Variants in ATP2A1 observed in about 807,000 individuals in gnomAD.
ATP2A1 encodes ATPase sarcoplasmic/endoplasmic reticulum Ca2+ transporting 1, also known as sarcoplasmic/endoplasmic reticulum calcium ATPase 1.
ATP2A1 carries 83 observed loss-of-function variants against 109.5 expected under a neutral mutation model. That is an observed-to-expected ratio of 0.76 (90% confidence interval 0.63 to 0.91). The LOEUF (loss-of-function observed/expected upper bound fraction) is 0.91. Ranked by LOEUF, ATP2A1 falls within the 40% of genes least tolerant of loss-of-function variation. The pLI is 0.00. For missense variants in ATP2A1, 1,101 were observed against 1,341.0 expected (o/e 0.82, Z 2.80); for synonymous variants, 505 against 537.6 (o/e 0.94, Z 0.84).
chr16:28,878,810 C>T (rs62037371), intron 1 of ATP2A1, 21 bp downstream of exon 1: 1 of 1,610,040 alleles, frequency 6.2e-7, no homozygotes, highest in Non-Finnish European at 8.5e-7. Flanking sequence ...CTTGGAAGAG[C>T]GGCTGGTAAT....
chr16:28,878,925 G>T, intron 1 of ATP2A1, 136 bp downstream of exon 1: 2 of 1,334,454 alleles, frequency 1.5e-6, no homozygotes, highest in Non-Finnish European at 2.2e-6. Context: ...CTCGCAGGGG[G>T]AAGAAGATAC....
chr16:28,884,563 C>T lies in ATP2A1; in HGVS notation c.464-12C>T. 1 of 1,611,554 alleles carries T rather than the reference C, an allele frequency of 6.2e-7. No homozygotes were observed. Among genetic ancestry groups the T allele is most frequent in the African/African-American group, 1.3e-5 (1 of 74,970 alleles). ...TCCCAAGTGACCTCCCTCTTCCCTA[C>T]TCTCTCCACAGTGGGGGACAAAGTC... On this transcript the variant is annotated splice_polypyrimidine_tract_variant and intron_variant, in intron 5 of 22. Coordinates refer to ENST00000395503, the MANE Select transcript of ATP2A1 (RefSeq NM_004320.6).
intron 3 of ATP2A1, 135 bp downstream of exon 3, chr16:28,879,718 C>A: frequency 9.2e-7 from 1 of 1,082,990 alleles, no homozygotes; most frequent in Non-Finnish European, 1.4e-6. Flanking sequence ...GGCTGGCGCG[C>A]AGCAGCGGGT....
intron 8 of ATP2A1, 64 bp from the exon 9 acceptor site, chr16:28,888,723 C>A: frequency 6.3e-7 from 1 of 1,575,736 alleles, no homozygotes. Context: ...CTATTTAGCC[C>A]CTTGCAGGTT....
chr16:28,883,294 A>C lies in ATP2A1; in HGVS notation c.463+705A>C, dbSNP rs746356155. On this transcript the variant is annotated intron_variant, in intron 5 of 22. Coordinates refer to ENST00000395503, the MANE Select transcript of ATP2A1 (RefSeq NM_004320.6). This position sits in a 1 kb window ranked among gnomAD's most constrained non-coding sequence, Gnocchi z 5.2. ...AGAGGCCTCCTTCCCTGTAGCAGAC[A>C]TCCGAATCACCACCCCAGGGAGCTT... 1.3e-5 allele frequency among the ~76,000 whole-genome samples: 2 copies of C among 152,202 alleles called. No homozygotes were observed. Among genetic ancestry groups the C allele is most frequent in the Non-Finnish European group, 2.9e-5 (2 of 68,028 alleles).
intron 5 of ATP2A1, among the ~76,000 whole-genome samples, chr16:28,884,042 C>T (rs1416467791): frequency 1.3e-5 from 2 of 152,022 alleles, no homozygotes; most frequent in African/African-American, 2.4e-5. Flanking sequence ...CATATTTTCC[C>T]GTTTCTCCTT....
At chr16:28,888,707 G>A in intron 8 of ATP2A1, 80 bp from the exon 9 acceptor site, 1 of 1,521,990 alleles carries the variant, frequency 6.6e-7, no homozygotes, top group East Asian at 2.3e-5. Flanking sequence ...GCCCAGCTGG[G>A]GGCTACTATT....
chr16:28,896,714 A>ATTT (rs1165561318), intron 12 of ATP2A1, among the ~76,000 whole-genome samples: 4 of 107,230 alleles, frequency 3.7e-5, no homozygotes, highest in Non-Finnish European at 5.9e-5. Context: ...CCTGGCCTTC[A>ATTT]TTTTTTTTTT....
chr16:28,888,883 T>C lies in ATP2A1; in HGVS notation c.1025T>C (p.Leu342Pro), dbSNP rs1241914310. 3.7e-6 allele frequency: 6 copies of C among 1,611,534 alleles called. No individual in the cohort carries two copies. The highest frequency in any genetic ancestry group is 4.2e-6 in the Non-Finnish European group (5 of 1,178,270). The stretch of plus-strand genomic sequence containing the variant: ...AGAAGCTTGCCCTCCGTAGAGACCC[T>C]GGGCTGCACCTCTGTCATCTGTTCC... ...IVRSLPSVET[L>P]GCTSVICSDK... The change falls in exon 9 of 23, where the codon CTG becomes CCG. Residue 342 changes from leucine (L) to proline (P), a missense_variant. Physicochemically the swap from Leu to Pro is moderately conservative, Grantham distance 98. Coordinates refer to ENST00000395503, the MANE Select transcript of ATP2A1 (RefSeq NM_004320.6).
rs772254512 is a variant in ATP2A1 at position 28,900,852 on chromosome 16, T to C, written c.2036T>C (p.Val679Ala). Residue 679 changes from valine to alanine, a missense_variant, in exon 15 of 23, where the codon GTG (valine) becomes GCG (alanine). By Grantham distance (64) the Val-to-Ala change is moderately conservative. Coordinates refer to ENST00000395503, the MANE Select transcript of ATP2A1 (RefSeq NM_004320.6). ...CGACGTGCCTGCTGCTTCGCCCGTG[T>C]GGAGCCCTCGCACAAGTCCAAGATT... is the stretch of plus-strand genomic sequence containing the variant. Reference protein sequence around the residue: ...ACRRACCFARVEPSHKSKIVE... With the variant: ...ACRRACCFARAEPSHKSKIVE... 6.2e-7 allele frequency: 1 copy of C among 1,614,214 alleles called. No individual in the cohort carries two copies. Among genetic ancestry groups the C allele is most frequent in the Non-Finnish European group, 8.5e-7 (1 of 1,180,044 alleles).
At position 28,902,302 on chromosome 16, in the gene ATP2A1, C is replaced by T; in HGVS notation, c.2440C>T (p.Leu814=). ...AGCCCTGGGCTTCAACCCACCAGAC[C>T]TGGACATCATGGACCGCCCCCCCCG... ...ATALGFNPPD[L]DIMDRPPRSP... Residue 814 remains leucine, a synonymous_variant, in exon 17 of 23, where the codon CTG becomes TTG. Transcript: ENST00000395503. This position sits in a 1 kb window ranked among gnomAD's most constrained non-coding sequence, Gnocchi z 4.8. The T allele has an allele frequency of 6.2e-7, 1 of 1,614,162 alleles. No homozygotes were observed. The highest frequency in any genetic ancestry group is 1.1e-5 in the South Asian group (1 of 91,084).
chr16:28,898,362 C>T lies in ATP2A1; in HGVS notation c.1675C>T (p.Leu559=). The T allele has an allele frequency of 6.2e-7, 1 of 1,614,192 alleles. No homozygotes were observed. Among genetic ancestry groups the T allele is most frequent in the Non-Finnish European group, 8.5e-7 (1 of 1,180,024 alleles). The change falls in exon 14 of 23, where the codon CTG becomes TTG. Residue 559 remains leucine (L), a synonymous_variant. Transcript: ENST00000395503. The surrounding 1 kb of genome is among the most constrained non-coding windows in gnomAD (Gnocchi z 4.0). ...GGAGTGGGGCACTGGCCGGGACACC[C>T]TGCGCTGCTTGGCCCTGGCCACCCG... ...IKEWGTGRDT[L]RCLALATRDT...
intron 9 of ATP2A1, among the ~76,000 whole-genome samples, chr16:28,891,965 T>G (rs920763305): frequency 6.6e-6 from 1 of 152,070 alleles, no homozygotes; most frequent in African/African-American, 2.4e-5. Flanking sequence ...AAACCAATGA[T>G]TGTGAAATAC....
In ATP2A1 at chr16:28,900,704, G is replaced by A. The variant is rs1041959534; in HGVS notation, c.1888G>A (p.Gly630Ser). 3 of 1,614,006 alleles carry A rather than the reference G, an allele frequency of 1.9e-6. No individual in the cohort carries two copies. Among genetic ancestry groups the A allele is most frequent in the African/African-American group, 2.7e-5 (2 of 74,936 alleles). Residue 630 changes from glycine to serine, a missense_variant, in exon 15 of 23, where the codon GGC becomes AGC. Gly to Ser is a moderately conservative substitution (Grantham distance 56). Transcript: ENST00000395503. ...GATCATGATCACTGGGGACAACAAG[G>A]GCACAGCCATTGCCATCTGCCGGCG... ...RVIMITGDNK[G>S]TAIAICRRIG... is the part of the protein sequence containing the mutation.
At position 28,902,407 on chromosome 16, in the gene ATP2A1, G is replaced by A. The variant is rs1964105580; in HGVS notation, c.2524+21G>A. 8.7e-6 allele frequency: 14 copies of A among 1,612,584 alleles called. No individual in the cohort carries two copies. In the East Asian group the frequency reaches 1.8e-4, roughly 21 times the overall value. On this transcript the variant is annotated intron_variant, in intron 17 of 22. Coordinates refer to ENST00000395503, the MANE Select transcript of ATP2A1 (RefSeq NM_004320.6). The surrounding 1 kb of genome is among the most constrained non-coding windows in gnomAD (Gnocchi z 4.8). ...CGGGGGTGAGCTGGAGGGGTTCCTC[G>A]ATCCTCCCCACCCCTTGGGACTAAC...
chr16:28,890,647 A>T (rs1330777863), intron 9 of ATP2A1, among the ~76,000 whole-genome samples: 5 of 152,104 alleles, frequency 3.3e-5, no homozygotes, highest in Admixed American at 3.3e-4. Flanking sequence ...TAGAAAGTAA[A>T]AAATAAATAA....
chr16:28,890,484 G>T (rs1254322476), intron 9 of ATP2A1, among the ~76,000 whole-genome samples: 1 of 150,456 alleles, frequency 6.6e-6, no homozygotes, highest in African/African-American at 2.4e-5. Flanking sequence ...CCTGTCTCAC[G>T]CACAAAAAAA....
chr16:28,894,647 G>C (rs1302880080), intron 11 of ATP2A1, 40 bp downstream of exon 11: 2 of 1,609,488 alleles, frequency 1.2e-6, no homozygotes, highest in Non-Finnish European at 1.7e-6. Context: ...CAGAGTCTGG[G>C]CCTCCTCCGA....
chr16:28,894,567 T>C lies in ATP2A1; in HGVS notation c.1247T>C (p.Ile416Thr). 1.2e-6 allele frequency: 2 copies of C among 1,614,062 alleles called. No homozygotes were observed. Among genetic ancestry groups the C allele is most frequent in the Non-Finnish European group, 1.7e-6 (2 of 1,179,996 alleles). ...GACGGGCTGGTGGAGCTGGCCACCA[T>C]CTGTGCCCTCTGCAATGACTCCTCC... is the stretch of plus-strand genomic sequence containing the variant. ...QYDGLVELAT[I>T]CALCNDSSLD... Residue 416 changes from isoleucine to threonine, a missense_variant, in exon 11 of 23, where the codon ATC becomes ACC. Transcript: ENST00000395503.
Sources: allele counts gnomAD v4.1 joint callset (sites outside exome capture counted in the v4.1 genomes callset), GRCh38; gene constraint gnomAD v4.1.1; non-coding constraint Gnocchi (gnomAD v3.1); transcripts MANE v1.5; gene names NCBI Gene and HGNC (gene_info 2026-07-23, HGNC 2026-07-21).